PHAF1: variants seen among roughly 807,000 people sequenced by gnomAD.
PHAF1 encodes phagophore assembly factor 1.
Under a neutral mutation model 63.1 loss-of-function variants are expected in PHAF1, and 23 were observed. That is an observed-to-expected ratio of 0.36 (90% CI 0.26 to 0.52). The LOEUF (loss-of-function observed/expected upper bound fraction) is 0.52, where lower values mean the gene tolerates loss of function less well. PHAF1 is among the 20% of genes least tolerant of loss of function. The pLI is 0.93. For synonymous variants in PHAF1, 167 were observed against 185.0 expected (o/e 0.90, Z 0.79); for missense variants, 427 against 517.2 (o/e 0.83, Z 1.69).
In PHAF1 at chr16:67,132,837, C is replaced by T. The variant is rs751420574; in HGVS notation, c.376C>T (p.Leu126Phe). The T allele has an allele frequency of 6.2e-7, 1 of 1,613,442 alleles. No homozygotes were observed. The highest frequency in any genetic ancestry group is 2.2e-5 in the East Asian group (1 of 44,884). Reference sequence around the variant, plus strand: ...AACAGTGTACAACTCCGCTGAGCAGCTCTTCCATCTCAACTTCAGAGGACT... The same window carrying T: ...AACAGTGTACAACTCCGCTGAGCAGTTCTTCCATCTCAACTTCAGAGGACT... ...HPGVYNSAEQ[L>F]FHLNFRGLSF... Residue 126 changes from leucine (L) to phenylalanine (F), a missense_variant, in exon 6 of 16, where the codon CTC becomes TTC. Physicochemically the swap from Leu to Phe is conservative, Grantham distance 22. Transcript: ENST00000219139.
chr16:67,118,136 T>G (rs1260456557), intron 1 of PHAF1, among the ~76,000 whole-genome samples: 13 of 147,182 alleles, frequency 8.8e-5, no homozygotes, highest in African/African-American at 3.2e-4. Flanking sequence ...TTTTTTTTTT[T>G]TTTTTTTTTT....
chr16:67,125,953 T>C lies in PHAF1; in HGVS notation c.148-6T>C. 2 of 1,602,534 alleles carry C rather than the reference T, an allele frequency of 1.2e-6. No individual in the cohort carries two copies. Among genetic ancestry groups the C allele is most frequent in the Non-Finnish European group, 8.5e-7 (1 of 1,172,012 alleles). Reference sequence around the variant, plus strand: ...ACTCAGAATGTATTTTATTTTTGTTTTGTAGTCTCCTCTAAGCCATGACCT... The same window carrying C: ...ACTCAGAATGTATTTTATTTTTGTTCTGTAGTCTCCTCTAAGCCATGACCT... On this transcript the variant is annotated splice_polypyrimidine_tract_variant and splice_region_variant and intron_variant, in intron 2 of 15. Transcript: ENST00000219139.
At chr16:67,120,986 C>T (rs1211017608) in intron 2 of PHAF1, among the ~76,000 whole-genome samples, 1 of 152,148 alleles carries the variant, frequency 6.6e-6, no homozygotes, top group Non-Finnish European at 1.5e-5. Context: ...GGCCTGTTAC[C>T]TATACCCAGA....
intron 10 of PHAF1, among the ~76,000 whole-genome samples, chr16:67,141,615 G>A (rs1003594114): frequency 6.6e-6 from 1 of 152,184 alleles, no homozygotes; most frequent in African/African-American, 2.4e-5. Flanking sequence ...TGTGGCATCC[G>A]GCCACTGTGC....
At chr16:67,124,867 C>T (rs1963122958) in intron 2 of PHAF1, among the ~76,000 whole-genome samples, 1 of 150,520 alleles carries the variant, frequency 6.6e-6, no homozygotes, top group East Asian at 1.9e-4. Context: ...TGTGCCACCG[C>T]ACTCCAGCCT....
chr16:67,132,792 T>C, intron 5 of PHAF1, 25 bp from the exon 6 acceptor site: 1 of 1,572,622 alleles, frequency 6.4e-7, no homozygotes, highest in Non-Finnish European at 8.8e-7. Context: ...AACCATGTTA[T>C]TTTCTTCTCC....
intron 10 of PHAF1, 83 bp from the exon 11 acceptor site, chr16:67,144,211 C>T: frequency 1.0e-6 from 1 of 961,640 alleles, no homozygotes; most frequent in Non-Finnish European, 1.7e-6. Context: ...CACTGGATGT[C>T]CCAAGTTGGA....
At chr16:67,118,938 A>G (rs1458843249) in intron 1 of PHAF1, among the ~76,000 whole-genome samples, 1 of 151,902 alleles carries the variant, frequency 6.6e-6, no homozygotes, top group African/African-American at 2.4e-5. Flanking sequence ...CACCATGCCC[A>G]GCTAATTTTT....
chr16:67,112,469 A>C (rs1214742940), intron 1 of PHAF1, among the ~76,000 whole-genome samples: 1 of 151,430 alleles, frequency 6.6e-6, no homozygotes, highest in African/African-American at 2.4e-5. Flanking sequence ...CTGGGAGGTC[A>C]AGGCTGCCGT....
In PHAF1 at chr16:67,145,563, C is replaced by T; in HGVS notation, c.1051-7C>T. The T allele has an allele frequency of 6.2e-7, 1 of 1,614,096 alleles. No homozygotes were observed. Among genetic ancestry groups the T allele is most frequent in the Non-Finnish European group, 8.5e-7 (1 of 1,179,992 alleles). On this transcript the variant is annotated splice_polypyrimidine_tract_variant and splice_region_variant and intron_variant, in intron 13 of 15. Coordinates refer to ENST00000219139, the MANE Select transcript of PHAF1 (RefSeq NM_025187.5). ...CTAACCCCTGCTCCCCTCTATCCCT[C>T]TTGCAGTGGGACAACATCCAGGAGC...
intron 3 of PHAF1, among the ~76,000 whole-genome samples, chr16:67,127,155 A>G (rs1963226016): frequency 6.6e-6 from 1 of 152,156 alleles, no homozygotes; most frequent in Non-Finnish European, 1.5e-5. Context: ...GGCATGAGCC[A>G]CCGCACCCAG....
intron 3 of PHAF1, among the ~76,000 whole-genome samples, chr16:67,127,750 C>T (rs975037807): frequency 6.6e-6 from 1 of 151,678 alleles, no homozygotes. Flanking sequence ...GAGCTGAGAT[C>T]GCACCACTGC....
At position 67,122,468 on chromosome 16, in the gene PHAF1, G is replaced by A. The variant is rs148319869; in HGVS notation, c.147+2274G>A. On this transcript the variant is annotated intron_variant, in intron 2 of 15. Coordinates refer to ENST00000219139, the MANE Select transcript of PHAF1 (RefSeq NM_025187.5). Reference sequence around the variant, plus strand: ...TAACCTGGAGTGGTGGCACACACCTGTAATCCTGGCTATTCAGGAGGCTGA... The same window carrying A: ...TAACCTGGAGTGGTGGCACACACCTATAATCCTGGCTATTCAGGAGGCTGA... Among the ~76,000 whole-genome samples the A allele has an allele frequency of 5.6e-3, 842 of 151,260 alleles. 2 individuals are homozygous for A. Among genetic ancestry groups the A allele is most frequent in the South Asian group, 0.024 (116 of 4,780 alleles).
intron 10 of PHAF1, 76 bp downstream of exon 10, chr16:67,140,670 A>G: frequency 8.6e-7 from 1 of 1,157,996 alleles, no homozygotes; most frequent in Non-Finnish European, 1.3e-6. Context: ...CTGTGTGTCC[A>G]CATGCAGCTG....
chr16:67,131,213 A>G (rs879838880), intron 3 of PHAF1, 73 bp from the exon 4 acceptor site: 2 of 623,902 alleles, frequency 3.2e-6, no homozygotes, highest in South Asian at 2.7e-5. Context: ...TATTTATTCT[A>G]TAAATGTATT....
intron 1 of PHAF1, among the ~76,000 whole-genome samples, chr16:67,117,778 A>G (rs1156494254): frequency 6.0e-5 from 9 of 151,086 alleles, no homozygotes; most frequent in Non-Finnish European, 1.2e-4. Context: ...AAAAAAAAAA[A>G]AGAGATATTC....
intron 1 of PHAF1, among the ~76,000 whole-genome samples, chr16:67,117,199 A>AT (rs750308105): frequency 0.023 from 2,615 of 111,880 alleles, 31 homozygotes; most frequent in East Asian, 0.033. Flanking sequence ...TGCCCAGCTA[A>AT]TTTTTTTTTT....
At chr16:67,142,462 T>C (rs1454125496) in intron 10 of PHAF1, among the ~76,000 whole-genome samples, 2 of 152,236 alleles carry the variant, frequency 1.3e-5, no homozygotes, top group African/African-American at 2.4e-5. Flanking sequence ...GGAGCCCTTC[T>C]GCTTCCTACC....
chr16:67,132,726 T>G (rs1963453509), intron 5 of PHAF1, 91 bp from the exon 6 acceptor site: 1 of 1,259,136 alleles, frequency 7.9e-7, no homozygotes, highest in Non-Finnish European at 1.2e-6. Flanking sequence ...GGGAAGGTGT[T>G]GTCAGTCATT....
Sources: gnomAD v4.1 joint callset for allele counts (sites outside exome capture counted in the v4.1 genomes callset) on GRCh38, gnomAD v4.1.1 for gene constraint, MANE v1.5 for transcripts, NCBI Gene and HGNC (gene_info 2026-07-23, HGNC 2026-07-21) for gene names.